EXOC4: variants seen among roughly 807,000 people sequenced by gnomAD.
EXOC4 encodes exocyst complex component 4.
EXOC4 carries 71 observed loss-of-function variants against 107.2 expected under a neutral mutation model. The observed-to-expected ratio is 0.66, with a 90% CI of 0.55 to 0.81. The LOEUF is 0.81. Ranked by LOEUF, EXOC4 falls within the 30% of genes least tolerant of loss-of-function variation. The pLI is 0.00. For synonymous variants in EXOC4, 456 were observed against 441.2 expected (o/e 1.03, Z -0.42); for missense variants, 1,108 against 1,189.6 (o/e 0.93, Z 1.01).
intron 10 of EXOC4, among the ~76,000 whole-genome samples, chr7:133,714,905 C>T (rs1377472907): frequency 6.6e-6 from 1 of 152,116 alleles, no homozygotes; most frequent in Non-Finnish European, 1.5e-5. Context: ...TTGAGAAAGA[C>T]ATCACATCTC....
chr7:133,378,177 G>A (rs1796531153), intron 7 of EXOC4, among the ~76,000 whole-genome samples: 1 of 152,148 alleles, frequency 6.6e-6, no homozygotes, highest in African/African-American at 2.4e-5. Flanking sequence ...TGGGTGTGGT[G>A]TCTGGCGCCT....
chr7:133,408,844 C>T (rs1797288225), intron 7 of EXOC4, among the ~76,000 whole-genome samples: 2 of 152,160 alleles, frequency 1.3e-5, no homozygotes, highest in South Asian at 4.1e-4. Flanking sequence ...TATTCTGGTA[C>T]TGTGGGACTA....
chr7:133,971,359 TATAGAGAGAGAGAGAG>T (rs1223278829), intron 14 of EXOC4, among the ~76,000 whole-genome samples: 6 of 96,752 alleles, frequency 6.2e-5, no homozygotes, highest in African/African-American at 1.9e-4. Flanking sequence ...TATATATATA[TATAGAGAGAGAGAGAG>T]AGAGAGAGAG....
intron 14 of EXOC4, among the ~76,000 whole-genome samples, chr7:133,938,965 G>T (rs1317010905): frequency 1.3e-5 from 2 of 152,212 alleles, no homozygotes; most frequent in East Asian, 3.9e-4. Flanking sequence ...ACCACACCTG[G>T]TCTCAAACTC....
intron 4 of EXOC4, among the ~76,000 whole-genome samples, chr7:133,307,996 A>G (rs968249989): frequency 6.6e-6 from 1 of 152,246 alleles, no homozygotes; most frequent in Admixed American, 6.5e-5. Context: ...GAGAGATGCT[A>G]ACAGAGCTAA....
At chr7:133,346,298 C>A (rs745636809) in intron 5 of EXOC4, among the ~76,000 whole-genome samples, 14 of 152,094 alleles carry the variant, frequency 9.2e-5, no homozygotes, top group Non-Finnish European at 1.5e-4. Flanking sequence ...GTCTTTATTA[C>A]CCTGCATGGG....
chr7:133,596,759 A>C (rs1245265934), intron 9 of EXOC4, among the ~76,000 whole-genome samples: 1 of 152,174 alleles, frequency 6.6e-6, no homozygotes, highest in Non-Finnish European at 1.5e-5. Flanking sequence ...CATAGCTATA[A>C]AATCCACTCA....
At chr7:134,019,975 T>C (rs1794992046) in intron 17 of EXOC4, among the ~76,000 whole-genome samples, 1 of 152,112 alleles carries the variant, frequency 6.6e-6, no homozygotes, top group South Asian at 2.1e-4. Flanking sequence ...CTGTCAGGTG[T>C]TCATGCTGCT....
intron 10 of EXOC4, among the ~76,000 whole-genome samples, chr7:133,657,232 C>T (rs779481177): frequency 3.3e-5 from 5 of 152,062 alleles, no homozygotes; most frequent in Non-Finnish European, 7.4e-5. Context: ...AATATTCAAC[C>T]CAGGAAGGGA....
intron 9 of EXOC4, among the ~76,000 whole-genome samples, chr7:133,614,302 TGAACAGCAGTTGCCAGTC>T (rs1363016811): frequency 1.1e-4 from 17 of 152,142 alleles, no homozygotes; most frequent in African/African-American, 4.1e-4. Flanking sequence ...AGGGAAAAGA[TGAACAGCAGTTGCCAGTC>T]TTTTGTTTGT....
intron 10 of EXOC4, among the ~76,000 whole-genome samples, chr7:133,704,893 G>T (rs1794735621): frequency 6.6e-6 from 1 of 152,168 alleles, no homozygotes; most frequent in African/African-American, 2.4e-5. Flanking sequence ...CAGACTTTTG[G>T]ATTAGGGTTG....
chr7:133,258,981 G>C (rs1795080122), intron 1 of EXOC4, among the ~76,000 whole-genome samples: 1 of 151,998 alleles, frequency 6.6e-6, no homozygotes, highest in Non-Finnish European at 1.5e-5. Flanking sequence ...GATAATCCTT[G>C]TTGTCCTTTA....
intron 17 of EXOC4, among the ~76,000 whole-genome samples, chr7:134,041,475 T>C (rs1294047967): frequency 1.3e-5 from 2 of 152,186 alleles, no homozygotes; most frequent in Non-Finnish European, 2.9e-5. Flanking sequence ...TTCCAATAAT[T>C]TGCACACTCA....
chr7:133,566,914 A>G (rs984037957), intron 9 of EXOC4, among the ~76,000 whole-genome samples: 17 of 152,194 alleles, frequency 1.1e-4, no homozygotes, highest in Non-Finnish European at 1.9e-4. Context: ...TATCTCAAAC[A>G]ATGAACCTGG....
chr7:134,003,506 A>G (rs1424432529), intron 15 of EXOC4, among the ~76,000 whole-genome samples: 1 of 152,330 alleles, frequency 6.6e-6, no homozygotes, highest in Non-Finnish European at 1.5e-5. Context: ...TCGCATCATT[A>G]GAGATAATAA....
intron 7 of EXOC4, among the ~76,000 whole-genome samples, chr7:133,441,273 G>A (rs1214058643): frequency 6.6e-6 from 1 of 152,176 alleles, no homozygotes; most frequent in African/African-American, 2.4e-5. Flanking sequence ...ATATGTGGAA[G>A]GAAGGAATGT....
chr7:134,092,423 CA>C, the EXOC4 span, among the ~76,000 whole-genome samples: 9 of 152,030 alleles, frequency 5.9e-5, no homozygotes, highest in Non-Finnish European at 1.5e-5. Flanking sequence ...ACTTATTATA[CA>C]GATAGTTTTA....
chr7:133,255,669 T>C (rs1795000336), intron 1 of EXOC4, among the ~76,000 whole-genome samples: 1 of 152,212 alleles, frequency 6.6e-6, no homozygotes, highest in Middle Eastern at 3.2e-3. Flanking sequence ...TTTCTTTGAG[T>C]CACAGGGAGA....
intron 7 of EXOC4, among the ~76,000 whole-genome samples, chr7:133,410,730 A>C (rs1032115822): frequency 1.3e-5 from 2 of 152,222 alleles, no homozygotes; most frequent in Non-Finnish European, 2.9e-5. Flanking sequence ...CTGCGCAGAA[A>C]TACTGTTAGC....
Sources: allele counts gnomAD v4.1 joint callset (sites outside exome capture counted in the v4.1 genomes callset), GRCh38; gene constraint gnomAD v4.1.1; transcripts MANE v1.5; gene names NCBI Gene and HGNC (gene_info 2026-07-23, HGNC 2026-07-21).